The following CADPS2 variants were observed in gnomAD, a reference collection of about 807,000 sequenced individuals.
CADPS2 encodes calcium-dependent secretion activator 2.
In CADPS2, 93 loss-of-function variants were observed where a neutral mutation model predicts 172.5. That is an observed-to-expected ratio of 0.54 (90% CI 0.46 to 0.64). The LOEUF (loss-of-function observed/expected upper bound fraction) is 0.64, where lower values mean the gene tolerates loss of function less well. Ranked by LOEUF, CADPS2 falls within the 30% of genes least tolerant of loss-of-function variation. CADPS2 has a pLI of 0.00. For synonymous variants in CADPS2, 546 were observed against 555.2 expected (o/e 0.98, Z 0.23); for missense variants, 1,420 against 1,565.9 (o/e 0.91, Z 1.57).
At chr7:122,508,298 T>C (rs2059757245) in intron 9 of CADPS2, among the ~76,000 whole-genome samples, 1 of 152,026 alleles carries the variant, frequency 6.6e-6, no homozygotes, top group Admixed American at 6.6e-5. Flanking sequence ...ATACATATAT[T>C]GATGATGGCA....
At chr7:122,521,201 C>T (rs1212614953) in intron 8 of CADPS2, among the ~76,000 whole-genome samples, 1 of 152,048 alleles carries the variant, frequency 6.6e-6, no homozygotes, top group South Asian at 2.1e-4. Flanking sequence ...GGATAGAGTT[C>T]GGTTAACATG....
chr7:122,607,223 G>A (rs958136085), intron 6 of CADPS2, among the ~76,000 whole-genome samples: 1 of 152,150 alleles, frequency 6.6e-6, no homozygotes, highest in Non-Finnish European at 1.5e-5. Context: ...GTTTTGAAAT[G>A]TGTAAGTCTT....
At chr7:122,856,698 T>C (rs1005295436) in intron 1 of CADPS2, among the ~76,000 whole-genome samples, 2 of 151,944 alleles carry the variant, frequency 1.3e-5, no homozygotes, top group African/African-American at 2.4e-5. Context: ...AGATACAAAG[T>C]AAAACAAGAT....
chr7:122,868,040 T>C (rs1182873099), intron 1 of CADPS2, among the ~76,000 whole-genome samples: 1 of 152,104 alleles, frequency 6.6e-6, no homozygotes, highest in East Asian at 1.9e-4. Flanking sequence ...CTTGCCTTAA[T>C]GCCAGAGTGA....
At chr7:122,417,814 A>G (rs2048101734) in intron 17 of CADPS2, among the ~76,000 whole-genome samples, 1 of 152,192 alleles carries the variant, frequency 6.6e-6, no homozygotes, top group South Asian at 2.1e-4. Context: ...ACATGGTCTT[A>G]GAAATAACAA....
chr7:122,744,007 G>A (rs1309191810), intron 1 of CADPS2, among the ~76,000 whole-genome samples: 1 of 152,206 alleles, frequency 6.6e-6, no homozygotes, highest in Non-Finnish European at 1.5e-5. Context: ...ATTTGGGACA[G>A]TGAATAAATA....
At chr7:122,706,844 AT>A (rs375416961) in intron 2 of CADPS2, among the ~76,000 whole-genome samples, 40 of 146,044 alleles carry the variant, frequency 2.7e-4, no homozygotes, top group East Asian at 1.6e-3. Flanking sequence ...ACACACACAC[AT>A]TTTTTTTTTC....
chr7:122,439,394 T>C (rs1367930232), intron 16 of CADPS2: 4 of 152,220 alleles, frequency 2.6e-5, no homozygotes, highest in Non-Finnish European at 4.4e-5. Context: ...AGAATGTTAA[T>C]ATAGAGAAGA....
chr7:122,537,039 A>T (rs1239277301), intron 8 of CADPS2, among the ~76,000 whole-genome samples: 1 of 151,984 alleles, frequency 6.6e-6, no homozygotes, highest in Non-Finnish European at 1.5e-5. Flanking sequence ...GGATGGGAGG[A>T]GGGAAGAAGA....
intron 15 of CADPS2, among the ~76,000 whole-genome samples, chr7:122,447,648 G>C (rs7785830): frequency 0.025 from 3,611 of 144,592 alleles, 145 homozygotes; most frequent in African/African-American, 0.087. Context: ...CTGCCTCCTA[G>C]GTTCAAGCAA....
rs1457300483 is a variant in CADPS2, at chr7:122,702,816, AAAG to A, written c.453+34136_453+34138del. 1.3e-5 allele frequency: 16 copies of A among 1,238,494 alleles called. No homozygotes were observed. The East Asian group carries it at 3.8e-4, about 29-fold the overall frequency. The allele number at this position is 1,238,494 out of a possible 1,614,324, so 76.7% of individuals were successfully genotyped here. A position where few individuals can be genotyped will look rare whatever the true frequency, so the allele number is the denominator to read the frequency against. ...AACAACATCAGTTGTAGAAGAACAT[AAAG>A]AAGATAGCTTGTTGGCGGCAGATTA... On this transcript the variant is annotated intron_variant, in intron 2 of 29. Coordinates refer to ENST00000449022, the MANE Select transcript of CADPS2 (RefSeq NM_017954.11).
chr7:122,534,701 A>G (rs1299246885), intron 8 of CADPS2, among the ~76,000 whole-genome samples: 1 of 152,138 alleles, frequency 6.6e-6, no homozygotes, highest in Non-Finnish European at 1.5e-5. Context: ...AATGTACATC[A>G]ATGGAAATGT....
intron 12 of CADPS2, among the ~76,000 whole-genome samples, chr7:122,475,541 A>G (rs2056533117): frequency 6.6e-6 from 1 of 152,222 alleles, no homozygotes; most frequent in Non-Finnish European, 1.5e-5. Flanking sequence ...ACAAAAGTTT[A>G]TTGATTAAAC....
intron 1 of CADPS2, among the ~76,000 whole-genome samples, chr7:122,856,667 A>G (rs1273768664): frequency 6.6e-6 from 1 of 152,214 alleles, no homozygotes; most frequent in East Asian, 1.9e-4. Context: ...GTACATTTTA[A>G]CTGACATTAA....
At chr7:122,385,680 C>G (rs540609916) in intron 24 of CADPS2, among the ~76,000 whole-genome samples, 1 of 152,040 alleles carries the variant, frequency 6.6e-6, no homozygotes, top group South Asian at 2.1e-4. Flanking sequence ...TGGAGGAGGG[C>G]AGAAGTCTCA....
intron 1 of CADPS2, among the ~76,000 whole-genome samples, chr7:122,746,799 G>A (rs2092737170): frequency 6.6e-6 from 1 of 152,014 alleles, no homozygotes. Flanking sequence ...TTGATTCTAG[G>A]TCTTCATTCA....
intron 28 of CADPS2, among the ~76,000 whole-genome samples, chr7:122,335,585 C>A (rs1355146761): frequency 1.3e-5 from 2 of 152,098 alleles, no homozygotes; most frequent in Admixed American, 6.5e-5. Context: ...CTATAGAGGT[C>A]AGTAGAGCAA....
intron 3 of CADPS2, among the ~76,000 whole-genome samples, chr7:122,639,927 C>T (rs923206525): frequency 5.3e-5 from 8 of 152,140 alleles, no homozygotes; most frequent in Non-Finnish European, 1.2e-4. Flanking sequence ...AAGTGTGTAT[C>T]TATAGCACGA....
intron 1 of CADPS2, among the ~76,000 whole-genome samples, chr7:122,769,273 G>C (rs1321043137): frequency 6.6e-6 from 1 of 152,102 alleles, no homozygotes; most frequent in Non-Finnish European, 1.5e-5. Flanking sequence ...CTCCCCTTTG[G>C]ATAGAGCTCT....
Sources: gnomAD v4.1 joint callset for allele counts (sites outside exome capture counted in the v4.1 genomes callset) on GRCh38, gnomAD v4.1.1 for gene constraint, MANE v1.5 for transcripts, NCBI Gene and HGNC (gene_info 2026-07-23, HGNC 2026-07-21) for gene names.